KLHDC3: variants seen among roughly 807,000 people sequenced by gnomAD.
The protein encoded by KLHDC3 is kelch domain-containing protein 3.
In KLHDC3, 5 loss-of-function variants were observed where a neutral mutation model predicts 44.1. The ratio of observed to expected loss-of-function variants is 0.11; its 90% CI spans 0.06 to 0.24. The LOEUF (loss-of-function observed/expected upper bound fraction) is 0.24, where lower values mean the gene tolerates loss of function less well. Among genes scored for constraint, KLHDC3 ranks in the 10% least tolerant of loss-of-function variants. The probability of loss-of-function intolerance (pLI) is 1.00; values close to 1 mark genes in which losing one functional copy is unlikely to be tolerated. For synonymous variants in KLHDC3, 170 were observed against 189.0 expected, an observed-to-expected ratio of 0.90 and a Z score of 0.82; for missense variants, 247 against 514.3, an observed-to-expected ratio of 0.48 and a Z score of 5.03.
Position 43,018,512 on chromosome 6 carries a change from C to G in KLHDC3, c.689C>G (p.Pro230Arg), listed in dbSNP as rs1205411620. Residue 230 changes from proline to arginine, a missense_variant, in exon 6 of 11, where the codon CCC becomes CGC. Pro to Arg is a moderately radical substitution (Grantham distance 103). Coordinates refer to ENST00000326974, the MANE Select transcript of KLHDC3 (RefSeq NM_057161.4). The surrounding 1 kb of genome is among the most constrained non-coding windows in gnomAD (Gnocchi z 6.0). ...DTRTEAWLDC[P>R]PTPVLPEGRR... is the part of the protein sequence containing the mutation. ...AGAACTGAGGCTTGGCTGGACTGTC[C>G]CCCGACTCCAGTGCTGCCTGAGGGG... is the stretch of plus-strand genomic sequence containing the variant. 13 of 1,613,980 alleles carry G rather than the reference C, an allele frequency of 8.1e-6. No homozygotes were observed. Among genetic ancestry groups the G allele is most frequent in the Non-Finnish European group, 1.1e-5 (13 of 1,180,034 alleles).
rs774214862 is a variant in KLHDC3 at position 43,021,174 on chromosome 6, T to A, written c.*441T>A. ...GAGTTGCAGCTGTTGGCATGAGACC[T>A]CCTTCTCCCCGTCTTGGGGAGGTGG... On this transcript the variant is annotated 3_prime_UTR_variant, in exon 11 of 11. Coordinates refer to ENST00000326974, the MANE Select transcript of KLHDC3 (RefSeq NM_057161.4). 2.9e-4 allele frequency: 130 copies of A among 455,198 alleles called. No individual in the cohort carries two copies. The highest frequency in any genetic ancestry group is 5.3e-4 in the Non-Finnish European group (120 of 227,198). 28.2% of individuals were successfully genotyped at this position (455,198 alleles called of 1,614,324 possible).
chr6:43,019,192 C>A (rs758341889), intron 9 of KLHDC3, 27 bp downstream of exon 9: 2 of 1,570,880 alleles, frequency 1.3e-6, no homozygotes, highest in Non-Finnish European at 1.8e-6. Flanking sequence ...CTGAATTGCT[C>A]CTGCCATCAA....
chr6:43,020,892 C>T lies in KLHDC3; in HGVS notation c.*159C>T, dbSNP rs1762676674. 1.4e-6 allele frequency: 1 copy of T among 693,838 alleles called. No individual in the cohort carries two copies. The allele number at this position is 693,838 out of a possible 1,614,324, so 43.0% of individuals were successfully genotyped here. On this transcript the variant is annotated 3_prime_UTR_variant, in exon 11 of 11. Transcript: ENST00000326974. ...TCTGTGCTGTGAATTCAGTGGGGAG[C>T]TGTAGCGGGGTGGGGGCTAGGTTCC...
At position 43,017,811 on chromosome 6, in the gene KLHDC3, C is replaced by A. The variant is rs1422802320; in HGVS notation, c.332-42C>A. 3 of 1,590,642 alleles carry A rather than the reference C, an allele frequency of 1.9e-6. No individual in the cohort carries two copies. Among genetic ancestry groups the A allele is most frequent in the Non-Finnish European group, 2.6e-6 (3 of 1,160,506 alleles). On this transcript the variant is annotated intron_variant, in intron 3 of 10. Coordinates refer to ENST00000326974, the MANE Select transcript of KLHDC3 (RefSeq NM_057161.4). This position sits in a 1 kb window ranked among gnomAD's most constrained non-coding sequence, Gnocchi z 6.0. ...TACCCCAGAGCTGAGGAGGGACTGT[C>A]ATAGAGGGTGCTTAGTTGAGCCATT...
Position 43,019,319 on chromosome 6 carries a change from C to A in KLHDC3, c.1035C>A (p.Ala345=), listed in dbSNP as rs754086366. ...GTCTGAAGACTCTGTGCAAACTGGC[C>A]GTGATTCAGTATAACCTAGACCAGT... is the stretch of plus-strand genomic sequence containing the variant. The part of the protein sequence containing the change: ...SPSLKTLCKL[A]VIQYNLDQSC... Residue 345 remains alanine, a synonymous_variant, in exon 10 of 11, where the codon GCC becomes GCA. Transcript: ENST00000326974. 6.2e-7 allele frequency: 1 copy of A among 1,613,788 alleles called. No individual in the cohort carries two copies. Among genetic ancestry groups the A allele is most frequent in the Admixed American group, 1.7e-5 (1 of 59,996 alleles).
Position 43,018,922 on chromosome 6 carries a change from C to T in KLHDC3, c.880C>T (p.Gln294Ter). Residue 294 changes from glutamine (Q) to a stop codon, truncating the protein, a stop_gained, in exon 8 of 11, where the codon CAG becomes TAG. Transcript: ENST00000326974. LOFTEE classifies it high-confidence loss of function. This position sits in a 1 kb window ranked among gnomAD's most constrained non-coding sequence, Gnocchi z 6.0. ...KGKGPCPRRR[Q>*]CCCIVGDKIV... Reference sequence around the variant, plus strand: ...GAAGGGGCCATGTCCCCGCCGGCGCCAGTGCTGCTGTATTGTTGGTGACAA... The same window carrying T: ...GAAGGGGCCATGTCCCCGCCGGCGCTAGTGCTGCTGTATTGTTGGTGACAA... The T allele has an allele frequency of 6.2e-7, 1 of 1,613,098 alleles. No homozygotes were observed. The highest frequency in any genetic ancestry group is 1.7e-4 in the Middle Eastern group (1 of 6,058).
At chr6:43,019,786 T>C (rs113447953) in intron 10 of KLHDC3, among the ~76,000 whole-genome samples, 1,723 of 152,316 alleles carry the variant, frequency 0.011, 33 homozygotes, top group African/African-American at 0.039. Flanking sequence ...TTATGTATAA[T>C]TTTTCAGGTT....
chr6:43,018,775 GA>G lies in KLHDC3; in HGVS notation c.820+60del. ...AGGAGCAATTGAGGTGGGAGGAAAA[GA>G]AAATAATCCTGAGGCGGTGAGGGAT... On this transcript the variant is annotated intron_variant, in intron 7 of 10. Coordinates refer to ENST00000326974, the MANE Select transcript of KLHDC3 (RefSeq NM_057161.4). The surrounding 1 kb of genome is among the most constrained non-coding windows in gnomAD (Gnocchi z 6.0). 6.4e-7 allele frequency: 1 copy of G among 1,574,150 alleles called. No individual in the cohort carries two copies. Among genetic ancestry groups the G allele is most frequent in the Non-Finnish European group, 8.7e-7 (1 of 1,143,616 alleles).
Position 43,018,487 on chromosome 6 carries a change from A to G in KLHDC3, c.664A>G (p.Arg222Gly). The G allele has an allele frequency of 6.2e-7, 1 of 1,614,204 alleles. No homozygotes were observed. Among genetic ancestry groups the G allele is most frequent in the East Asian group, 2.2e-5 (1 of 44,884 alleles). Reference sequence around the variant, plus strand: ...CAACCGCATTCGAGTCTTTGACACCAGAACTGAGGCTTGGCTGGACTGTCC... The same window carrying G: ...CAACCGCATTCGAGTCTTTGACACCGGAACTGAGGCTTGGCTGGACTGTCC... ...YCNRIRVFDTRTEAWLDCPPT... is the reference protein window; with the variant it reads ...YCNRIRVFDTGTEAWLDCPPT... The change falls in exon 6 of 11, where the codon AGA becomes GGA. Residue 222 changes from arginine (R) to glycine (G), a missense_variant. Arg to Gly is a moderately radical substitution (Grantham distance 125, BLOSUM62 -2). This residue lies in a region of KLHDC3 where 176 missense variants were observed against 413.5 expected (regional missense o/e 0.43). Transcript: ENST00000326974. The surrounding 1 kb of genome is among the most constrained non-coding windows in gnomAD (Gnocchi z 6.0).
In KLHDC3 at chr6:43,018,008, GAGAA is replaced by G; in HGVS notation, c.447+44_447+47del. The G allele has an allele frequency of 1.3e-6, 2 of 1,551,428 alleles. No individual in the cohort carries two copies. The highest frequency in any genetic ancestry group is 1.8e-6 in the Non-Finnish European group (2 of 1,123,138). ...AAAATAAGAGGTTTAGGGTGGGACT[GAGAA>G]AGAGGGGAAGGGCAATTTAGGATGG... On this transcript the variant is annotated intron_variant, in intron 4 of 10. Transcript: ENST00000326974. This position sits in a 1 kb window ranked among gnomAD's most constrained non-coding sequence, Gnocchi z 6.0.
rs923052040 is a variant in KLHDC3, at chr6:43,017,429, G to T, written c.154+83G>T. 1.3e-6 allele frequency: 2 copies of T among 1,567,886 alleles called. No individual in the cohort carries two copies. The highest frequency in any genetic ancestry group is 1.7e-6 in the Non-Finnish European group (2 of 1,153,030). On this transcript the variant is annotated intron_variant, in intron 2 of 10. Transcript: ENST00000326974. This position sits in a 1 kb window ranked among gnomAD's most constrained non-coding sequence, Gnocchi z 6.0. Reference sequence around the variant, plus strand: ...GATGAGGTTTGGCTGTGGTCTCTGGGACCAAGGGGATTGGGGACAAACATC... The same window carrying T: ...GATGAGGTTTGGCTGTGGTCTCTGGTACCAAGGGGATTGGGGACAAACATC...
At chr6:43,020,452 T>C (rs1762664663) in intron 10 of KLHDC3, among the ~76,000 whole-genome samples, 1 of 152,018 alleles carries the variant, frequency 6.6e-6, no homozygotes, top group Non-Finnish European at 1.5e-5. Flanking sequence ...CGGAAATCCA[T>C]ATGAGCTTGG....
intron 1 of KLHDC3, among the ~76,000 whole-genome samples, chr6:43,015,852 T>TA (rs561042959): frequency 0.011 from 1,128 of 100,540 alleles, 15 homozygotes; most frequent in African/African-American, 0.018. Flanking sequence ...AGACTTCATC[T>TA]AAAAAAAAAA....
rs190196844 is a variant in KLHDC3 at position 43,017,887 on chromosome 6, G to A, written c.366G>A (p.Gly122=). 7.0e-4 allele frequency: 1,124 copies of A among 1,614,094 alleles called. 19 individuals are homozygous for A. In the Admixed American group the frequency reaches 0.018, roughly 26 times the overall value. The change falls in exon 4 of 11, where the codon GGG becomes GGA. Residue 122 remains glycine, a synonymous_variant. Coordinates refer to ENST00000326974, the MANE Select transcript of KLHDC3 (RefSeq NM_057161.4). This position sits in a 1 kb window ranked among gnomAD's most constrained non-coding sequence, Gnocchi z 6.0. The part of the protein sequence containing the change: ...THKWFTPRVS[G]TVPGARDGHS... Reference sequence around the variant, plus strand: ...AGTGGTTCACACCCCGAGTGTCAGGGACAGTTCCTGGGGCCCGGGATGGAC... The same window carrying A: ...AGTGGTTCACACCCCGAGTGTCAGGAACAGTTCCTGGGGCCCGGGATGGAC...
At position 43,017,384 on chromosome 6, in the gene KLHDC3, C is replaced by G; in HGVS notation, c.154+38C>G. 6.3e-7 allele frequency: 1 copy of G among 1,595,228 alleles called. No individual in the cohort carries two copies. Among genetic ancestry groups the G allele is most frequent in the South Asian group, 1.1e-5 (1 of 88,426 alleles). ...TGGGGCTGTCCCTGGGTCCCCACAT[C>G]AGGGTGGGAACGGGCTGCTGATGAG... On this transcript the variant is annotated intron_variant, in intron 2 of 10. Coordinates refer to ENST00000326974, the MANE Select transcript of KLHDC3 (RefSeq NM_057161.4). The surrounding 1 kb of genome is among the most constrained non-coding windows in gnomAD (Gnocchi z 6.0).
intron 1 of KLHDC3, chr6:43,014,716 A>G (rs1762519027): frequency 7.2e-6 from 3 of 414,126 alleles, no homozygotes; most frequent in East Asian, 7.2e-5. Flanking sequence ...TATCGTGGTC[A>G]GTGCATGCTA....
At chr6:43,020,425 C>T (rs1399671786) in intron 10 of KLHDC3, among the ~76,000 whole-genome samples, 1 of 152,072 alleles carries the variant, frequency 6.6e-6, no homozygotes, top group Non-Finnish European at 1.5e-5. Flanking sequence ...AATATACATA[C>T]ATACATAAAC....
rs189354881 is a variant in KLHDC3, at chr6:43,017,402, C to A, written c.154+56C>A. ...CCCACATCAGGGTGGGAACGGGCTG[C>A]TGATGAGGTTTGGCTGTGGTCTCTG... On this transcript the variant is annotated intron_variant, in intron 2 of 10. Coordinates refer to ENST00000326974, the MANE Select transcript of KLHDC3 (RefSeq NM_057161.4). The surrounding 1 kb of genome is among the most constrained non-coding windows in gnomAD (Gnocchi z 6.0). The A allele has an allele frequency of 1.7e-4, 274 of 1,582,422 alleles. 1 individual carries two copies. In the East Asian group the frequency reaches 4.8e-3, roughly 28 times the overall value.
rs550677683 is a variant in KLHDC3, at chr6:43,020,840, T to C, written c.*107T>C. The C allele has an allele frequency of 6.0e-5, 52 of 872,154 alleles. No homozygotes were observed. The Admixed American group carries it at 8.7e-4, about 15-fold the overall frequency. The allele number at this position is 872,154 out of a possible 1,614,324, so 54.0% of individuals were successfully genotyped here. ...GACCCCTGGACTTGGTATACCTCCA[T>C]GTGGAGTTGTTGGGCGAGAGGTGTT... is the stretch of plus-strand genomic sequence containing the variant. On this transcript the variant is annotated 3_prime_UTR_variant, in exon 11 of 11. Coordinates refer to ENST00000326974, the MANE Select transcript of KLHDC3 (RefSeq NM_057161.4).
Sources: allele counts gnomAD v4.1 joint callset (sites outside exome capture counted in the v4.1 genomes callset), GRCh38; gene constraint gnomAD v4.1.1; regional missense constraint gnomAD v4.1.1; non-coding constraint Gnocchi (gnomAD v3.1); transcripts MANE v1.5; gene names NCBI Gene and HGNC (gene_info 2026-07-23, HGNC 2026-07-21).